The following RAB8B variants were observed in gnomAD, a reference collection of about 807,000 sequenced individuals.
RAB8B encodes RAB8B, member RAS oncogene family.
RAB8B carries 11 observed loss-of-function variants against 32.0 expected under a neutral mutation model. The observed-to-expected ratio is 0.34, with a 90% CI of 0.22 to 0.57. The LOEUF is 0.57. RAB8B is among the 20% of genes least tolerant of loss of function. The pLI is 0.86. For missense variants in RAB8B, 190 were observed against 258.5 expected (o/e 0.73, Z 1.82); for synonymous variants, 103 against 89.6 (o/e 1.15, Z -0.85).
intron 1 of RAB8B, among the ~76,000 whole-genome samples, chr15:63,241,701 A>T (rs2038033359): frequency 6.6e-6 from 1 of 152,184 alleles, no homozygotes; most frequent in East Asian, 1.9e-4. Context: ...TTAAAATGTT[A>T]ATCTGAAGAA....
chr15:63,212,771 A>C (rs1433092831), intron 1 of RAB8B, among the ~76,000 whole-genome samples: 2 of 152,220 alleles, frequency 1.3e-5, no homozygotes, highest in African/African-American at 4.8e-5. Flanking sequence ...ATAGAAAGAC[A>C]CTAGAACTCT....
At chr15:63,194,630 G>T (rs377141317) in intron 1 of RAB8B, among the ~76,000 whole-genome samples, 3 of 152,122 alleles carry the variant, frequency 2.0e-5, no homozygotes, top group Non-Finnish European at 2.9e-5. Flanking sequence ...ATTAATGGGG[G>T]TATGTTAGTA....
chr15:63,258,448 G>A (rs2038175975), intron 5 of RAB8B, among the ~76,000 whole-genome samples: 2 of 152,172 alleles, frequency 1.3e-5, no homozygotes, highest in South Asian at 4.1e-4. Flanking sequence ...TTTGGGAGCA[G>A]ATAAAAGGAG....
At chr15:63,199,418 G>A (rs957200162) in intron 1 of RAB8B, among the ~76,000 whole-genome samples, 1 of 152,140 alleles carries the variant, frequency 6.6e-6, no homozygotes, top group Non-Finnish European at 1.5e-5. Context: ...AATGAACACA[G>A]ACCAGGGTGT....
chr15:63,259,763 T>C lies in RAB8B; in HGVS notation c.480+71T>C. ...TTAGGGGCCTGTGTTCAAACAGCTC[T>C]CAGAGCTTTGGTATTTTCTGACCTA... On this transcript the variant is annotated intron_variant, in intron 6 of 7. Coordinates refer to ENST00000321437, the MANE Select transcript of RAB8B (RefSeq NM_016530.3). This position sits in a 1 kb window ranked among gnomAD's most constrained non-coding sequence, Gnocchi z 4.4. 1 of 1,340,898 alleles carries C rather than the reference T, an allele frequency of 7.5e-7. No individual in the cohort carries two copies. The highest frequency in any genetic ancestry group is 1.1e-6 in the Non-Finnish European group (1 of 940,606). 83.1% of individuals were successfully genotyped at this position (1,340,898 alleles called of 1,614,324 possible).
At chr15:63,207,430 G>T (rs1390038634) in intron 1 of RAB8B, among the ~76,000 whole-genome samples, 1 of 151,976 alleles carries the variant, frequency 6.6e-6, no homozygotes, top group East Asian at 1.9e-4. Context: ...CCCACGGTCA[G>T]TTCATTTCCT....
rs923463573 is a variant in RAB8B at position 63,259,280 on chromosome 15, C to T, written c.415-347C>T. Among the ~76,000 whole-genome samples, 1 of 151,854 alleles carries T rather than the reference C, an allele frequency of 6.6e-6. No homozygotes were observed. ...GACTACAGGCGGGTGCCACCACGCC[C>T]GGCTAATTTTTTGTATTTTTAGTAG... On this transcript the variant is annotated intron_variant, in intron 5 of 7. Transcript: ENST00000321437. The surrounding 1 kb of genome is among the most constrained non-coding windows in gnomAD (Gnocchi z 4.4).
chr15:63,230,068 T>TA (rs397728010), intron 1 of RAB8B, among the ~76,000 whole-genome samples: 6 of 152,050 alleles, frequency 3.9e-5, no homozygotes, highest in African/African-American at 1.4e-4. Context: ...ATTTTTTTTT[T>TA]ACTCATCCTC....
At chr15:63,254,268 T>C (rs2038142259) in intron 3 of RAB8B, among the ~76,000 whole-genome samples, 1 of 152,130 alleles carries the variant, frequency 6.6e-6, no homozygotes, top group Non-Finnish European at 1.5e-5. Flanking sequence ...CAGGGAAGCC[T>C]CCCCTGCCCA....
chr15:63,219,602 T>C (rs947095811), intron 1 of RAB8B, among the ~76,000 whole-genome samples: 2 of 152,224 alleles, frequency 1.3e-5, no homozygotes, highest in African/African-American at 4.8e-5. Flanking sequence ...TAAGTATGTA[T>C]ATATGTGGAA....
chr15:63,219,879 C>T (rs2037829142), intron 1 of RAB8B, among the ~76,000 whole-genome samples: 2 of 152,104 alleles, frequency 1.3e-5, no homozygotes, highest in African/African-American at 4.8e-5. Context: ...TCTATTATCT[C>T]TCTTCTTTTT....
At chr15:63,242,422 C>T (rs2038039759) in intron 1 of RAB8B, among the ~76,000 whole-genome samples, 1 of 152,128 alleles carries the variant, frequency 6.6e-6, no homozygotes, top group Non-Finnish European at 1.5e-5. Flanking sequence ...CGCCTATAAT[C>T]CTAACACTTT....
At chr15:63,206,973 C>T (rs762010089) in intron 1 of RAB8B, among the ~76,000 whole-genome samples, 2 of 152,130 alleles carry the variant, frequency 1.3e-5, no homozygotes, top group Non-Finnish European at 2.9e-5. Context: ...TTATTATCTG[C>T]TCCTTGAAAC....
At chr15:63,246,300 A>G (rs557084108) in intron 2 of RAB8B, among the ~76,000 whole-genome samples, 1 of 152,268 alleles carries the variant, frequency 6.6e-6, no homozygotes, top group Admixed American at 6.5e-5. Flanking sequence ...ATTTGGGAGC[A>G]TTTTAGATTT....
chr15:63,263,423 A>G (rs2038218043), intron 7 of RAB8B, 104 bp from the exon 8 acceptor site: 1 of 700,126 alleles, frequency 1.4e-6, no homozygotes, highest in Admixed American at 2.6e-5. Context: ...TTTCACTAGA[A>G]TACACATTTC....
chr15:63,255,119 C>T (rs141018483), intron 3 of RAB8B, among the ~76,000 whole-genome samples: 2 of 152,288 alleles, frequency 1.3e-5, no homozygotes, highest in East Asian at 3.9e-4. Context: ...AAGATAGTTT[C>T]TACTTGGAAT....
intron 1 of RAB8B, among the ~76,000 whole-genome samples, chr15:63,237,880 G>A (rs2037995629): frequency 6.6e-6 from 1 of 152,114 alleles, no homozygotes; most frequent in Non-Finnish European, 1.5e-5. Flanking sequence ...TTAGGTTTAA[G>A]TCTTTAATCC....
Position 63,259,110 on chromosome 15 carries a change from A to G in RAB8B, c.415-517A>G, listed in dbSNP as rs2038181246. Among the ~76,000 whole-genome samples the G allele has an allele frequency of 6.6e-6, 1 of 151,862 alleles. No individual in the cohort carries two copies. The highest frequency in any genetic ancestry group is 6.6e-5 in the Admixed American group (1 of 15,238). On this transcript the variant is annotated intron_variant, in intron 5 of 7. Transcript: ENST00000321437. The surrounding 1 kb of genome is among the most constrained non-coding windows in gnomAD (Gnocchi z 4.4). ...AAAAAAGAGAAGTACTTAAATTATT[A>G]TTATTATTTTATTTATTTATTTATT...
At chr15:63,230,847 C>T (rs919744023) in intron 1 of RAB8B, among the ~76,000 whole-genome samples, 1 of 152,138 alleles carries the variant, frequency 6.6e-6, no homozygotes, top group African/African-American at 2.4e-5. Context: ...AGGCATGTGC[C>T]ACCATGCCCA....
Sources: gnomAD v4.1 joint callset for allele counts (sites outside exome capture counted in the v4.1 genomes callset) on GRCh38, gnomAD v4.1.1 for gene constraint, Gnocchi (gnomAD v3.1) non-coding constraint, MANE v1.5 for transcripts, NCBI Gene and HGNC (gene_info 2026-07-23, HGNC 2026-07-21) for gene names.